The following IL13RA1 variants were observed in gnomAD, a reference collection of about 807,000 sequenced individuals.
IL13RA1 encodes the protein interleukin 13 receptor subunit alpha 1.
A neutral mutation model predicts 33.8 loss-of-function variants in IL13RA1; 14 were observed. The observed-to-expected ratio is 0.41, with a 90% CI of 0.27 to 0.65. The LOEUF is 0.65. IL13RA1 is among the 30% of genes least tolerant of loss of function. The pLI is 0.28. For synonymous variants in IL13RA1, 116 were observed against 115.7 expected (o/e 1.00, Z -0.02); for missense variants, 313 against 327.0 (o/e 0.96, Z 0.33).
chrX:118,766,593 AT>A lies in IL13RA1; in HGVS notation c.876+18del. ...AAATGTGGAGGTCAGTAAATTCAAC[AT>A]TAGCTATTTGGGTTTAGACTTAGAG... On this transcript the variant is annotated intron_variant, in intron 7 of 10. Transcript: ENST00000371666. 2 of 970,023 alleles carry A rather than the reference AT, an allele frequency of 2.1e-6. No homozygotes were observed. The highest frequency in any genetic ancestry group is 3.0e-6 in the Non-Finnish European group (2 of 676,176). 79.9% of individuals were successfully genotyped at this position (970,023 alleles called of 1,213,427 possible).
rs750262070 is a variant in IL13RA1, at chrX:118,791,899, C to A, written c.*45C>A. On this transcript the variant is annotated 3_prime_UTR_variant, in exon 11 of 11. Coordinates refer to ENST00000371666, the MANE Select transcript of IL13RA1 (RefSeq NM_001560.3). ...CCTTCACTGTGACCTTGAGAAGATT[C>A]TTCCCATTCTCCATTTGTTATCTGG... The A allele has an allele frequency of 1.7e-6, 1 of 582,414 alleles. No homozygotes were observed. The highest frequency in any genetic ancestry group is 2.9e-6 in the Non-Finnish European group (1 of 345,936). The allele number at this position is 582,414 out of a possible 1,213,427, so 48.0% of individuals were successfully genotyped here.
chrX:118,764,089 A>G (rs895876774), intron 6 of IL13RA1, among the ~76,000 whole-genome samples: 1 of 109,539 alleles, frequency 9.1e-6, no homozygotes, highest in Non-Finnish European at 1.9e-5. Flanking sequence ...AAGCGGGAAC[A>G]TGAACTGGTA....
intron 2 of IL13RA1, among the ~76,000 whole-genome samples, chrX:118,745,705 T>A: frequency 9.0e-6 from 1 of 111,520 alleles, no homozygotes; most frequent in Non-Finnish European, 1.9e-5. Context: ...TTCATGGCCG[T>A]CAACATGTAG....
chrX:118,764,949 A>T (rs1200116268), intron 6 of IL13RA1, among the ~76,000 whole-genome samples: 3 of 112,198 alleles, frequency 2.7e-5, no homozygotes, highest in Non-Finnish European at 5.6e-5. Flanking sequence ...GATTTTTCAC[A>T]AATGATTTTT....
In IL13RA1 at chrX:118,773,850, A is replaced by G. The variant is rs113021546; in HGVS notation, c.1010-29A>G. The G allele has an allele frequency of 2.0e-5, 14 of 686,666 alleles. No individual in the cohort carries two copies. The African/African-American group carries it at 2.1e-4, about 10-fold the overall frequency. 56.6% of individuals were successfully genotyped at this position (686,666 alleles called of 1,213,427 possible). The stretch of plus-strand genomic sequence containing the variant: ...ATTACTAAAAGGGTTTTATTTCTCA[A>G]GTCTTTCTGTTTGCTTTTCATTCTC... On this transcript the variant is annotated intron_variant, in intron 8 of 10. Transcript: ENST00000371666.
In IL13RA1 at chrX:118,792,006, C is replaced by T. The variant is rs1478033340; in HGVS notation, c.*152C>T. The stretch of plus-strand genomic sequence containing the variant: ...AGAGCCACAGGTCTTTATGTTGAGT[C>T]GCGCACCGAAAAACTAAAAATAATG... On this transcript the variant is annotated 3_prime_UTR_variant, in exon 11 of 11. Transcript: ENST00000371666. 5 of 330,009 alleles carry T rather than the reference C, an allele frequency of 1.5e-5. No homozygotes were observed. Among genetic ancestry groups the T allele is most frequent in the East Asian group, 1.0e-4 (2 of 19,972 alleles). The allele number at this position is 330,009 out of a possible 1,213,427, so 27.2% of individuals were successfully genotyped here. A position where few individuals can be genotyped will look rare whatever the true frequency, so the allele number is the denominator to read the frequency against.
intron 4 of IL13RA1, among the ~76,000 whole-genome samples, chrX:118,754,305 G>A (rs1202747259): frequency 9.0e-6 from 1 of 111,467 alleles, no homozygotes; most frequent in East Asian, 2.8e-4. Flanking sequence ...ATGACTAGCT[G>A]CTAGCATATG....
At chrX:118,776,749 T>G (rs2017789422) in intron 10 of IL13RA1, among the ~76,000 whole-genome samples, 1 of 108,867 alleles carries the variant, frequency 9.2e-6, no homozygotes, top group Admixed American at 9.9e-5. Flanking sequence ...CTGGACAGCA[T>G]GCCACTGCAC....
intron 8 of IL13RA1, among the ~76,000 whole-genome samples, chrX:118,768,095 T>C (rs180719590): frequency 8.9e-6 from 1 of 111,995 alleles, no homozygotes; most frequent in East Asian, 2.8e-4. Flanking sequence ...CAAGAAGGAA[T>C]AGGCTTTACT....
chrX:118,781,861 A>G (rs187354735), intron 10 of IL13RA1, among the ~76,000 whole-genome samples: 71 of 111,635 alleles, frequency 6.4e-4, no homozygotes, highest in African/African-American at 2.0e-3. Context: ...ACTATATTTA[A>G]GGTGATACAA....
intron 1 of IL13RA1, among the ~76,000 whole-genome samples, chrX:118,739,466 T>G (rs1417540224): frequency 8.9e-6 from 1 of 112,362 alleles, no homozygotes; most frequent in Non-Finnish European, 1.9e-5. Context: ...AAGATTTAAC[T>G]CTATCATTTG....
intron 4 of IL13RA1, among the ~76,000 whole-genome samples, chrX:118,753,224 T>C (rs2017489915): frequency 8.9e-6 from 1 of 111,764 alleles, no homozygotes; most frequent in Admixed American, 9.5e-5. Flanking sequence ...AAGACAAAAA[T>C]AGGGAAGTGC....
chrX:118,758,748 C>A (rs1469533946), intron 5 of IL13RA1: 2 of 111,491 alleles, frequency 1.8e-5, no homozygotes, highest in African/African-American at 6.5e-5. Context: ...TAGCTCAGGT[C>A]TCTCTTCCTC....
intron 3 of IL13RA1, among the ~76,000 whole-genome samples, chrX:118,748,397 C>T (rs1238566415): frequency 3.9e-5 from 4 of 101,953 alleles, no homozygotes; most frequent in Non-Finnish European, 7.8e-5. Context: ...GATGCAGTGG[C>T]TCACACCTGT....
chrX:118,739,525 C>T (rs1035624988), intron 1 of IL13RA1, among the ~76,000 whole-genome samples: 1 of 111,971 alleles, frequency 8.9e-6, no homozygotes, highest in Non-Finnish European at 1.9e-5. Context: ...TGGTTCCGTT[C>T]ATCACTTTAG....
chrX:118,739,998 T>TGGCATGATCTTGGCTCACTGCAGC (rs1038311123), intron 1 of IL13RA1, among the ~76,000 whole-genome samples: 1 of 112,162 alleles, frequency 8.9e-6, no homozygotes, highest in African/African-American at 3.2e-5. Context: ...TAGAGTGCAG[T>TGGCATGATCTTGGCTCACTGCAGC]GGCATGATCT....
At chrX:118,779,100 G>A (rs1461779719) in intron 10 of IL13RA1, among the ~76,000 whole-genome samples, 1 of 112,073 alleles carries the variant, frequency 8.9e-6, no homozygotes, top group Admixed American at 9.5e-5. Context: ...AAGATTTAGG[G>A]TTGTATTATG....
chrX:118,740,915 ACTCAGTTATTACTGT>A lies in IL13RA1; in HGVS notation c.89-99_89-85del, dbSNP rs777791687. The A allele has an allele frequency of 8.7e-5, 52 of 598,528 alleles. No homozygotes were observed. In the African/African-American group the frequency reaches 1.1e-3, roughly 12 times the overall value. 49.3% of individuals were successfully genotyped at this position (598,528 alleles called of 1,213,427 possible). A position where few individuals can be genotyped will look rare whatever the true frequency, so the allele number is the denominator to read the frequency against. ...GCCCAGTAAATGTTAGATGTTGTTA[ACTCAGTTATTACTGT>A]CTTGTCCTCTAGGACTTGGGAGAAT... On this transcript the variant is annotated intron_variant, in intron 1 of 10. Transcript: ENST00000371666.
In IL13RA1 at chrX:118,766,865, C is replaced by T. The variant is rs775681060; in HGVS notation, c.898C>T (p.Pro300Ser). The change falls in exon 8 of 11, where the codon CCT (proline) becomes TCT (serine). Residue 300 changes from proline (P) to serine (S), a missense_variant. Transcript: ENST00000371666. ...NVENTSCFMVPGVLPDTLNTV... is the reference protein window; with the variant it reads ...NVENTSCFMVSGVLPDTLNTV... ...TAAGAATACATCTTGTTTCATGGTC[C>T]CTGGTGTTCTTCCTGATACTTTGAA... 19 of 1,058,739 alleles carry T rather than the reference C, an allele frequency of 1.8e-5. No individual in the cohort carries two copies. Among genetic ancestry groups the T allele is most frequent in the Non-Finnish European group, 2.2e-5 (17 of 766,609 alleles). The allele number at this position is 1,058,739 out of a possible 1,213,427, so 87.3% of individuals were successfully genotyped here. A position where few individuals can be genotyped will look rare whatever the true frequency, so the allele number is the denominator to read the frequency against.
Sources: allele counts gnomAD v4.1 joint callset (sites outside exome capture counted in the v4.1 genomes callset), GRCh38; gene constraint gnomAD v4.1.1; transcripts MANE v1.5; gene names NCBI Gene and HGNC (gene_info 2026-07-23, HGNC 2026-07-21).